The following SMYD3 variants were observed in gnomAD, a reference collection of about 807,000 sequenced individuals.
The protein encoded by SMYD3 is histone-lysine N-methyltransferase SMYD3.
A neutral mutation model predicts 57.7 loss-of-function variants in SMYD3; 36 were observed. The ratio of observed to expected loss-of-function variants is 0.62; its 90% CI spans 0.48 to 0.82. The LOEUF is 0.82. SMYD3 is among the 40% of genes least tolerant of loss of function. The pLI, the probability that SMYD3 is intolerant of heterozygous loss-of-function variation, is 0.00. For synonymous variants in SMYD3, 211 were observed against 195.0 expected (o/e 1.08, Z -0.68); for missense variants, 515 against 538.8 (o/e 0.96, Z 0.44).
intron 11 of SMYD3, among the ~76,000 whole-genome samples, chr1:245,756,308 A>G (rs2045604433): frequency 6.6e-6 from 1 of 151,826 alleles, no homozygotes; most frequent in Admixed American, 6.6e-5. Context: ...TTGTAATACA[A>G]TTGCCCTAAA....
chr1:246,125,081 A>ACACACACAC (rs1263823647), intron 5 of SMYD3, among the ~76,000 whole-genome samples: 2 of 109,536 alleles, frequency 1.8e-5, no homozygotes, highest in African/African-American at 2.7e-5. Context: ...CAAAAAAAAA[A>ACACACACAC]AAAAAAACAC....
intron 5 of SMYD3, among the ~76,000 whole-genome samples, chr1:245,998,737 A>G (rs1226417866): frequency 6.6e-6 from 1 of 152,220 alleles, no homozygotes; most frequent in African/African-American, 2.4e-5. Flanking sequence ...TTCAATTTCC[A>G]AAAAGTGGAA....
chr1:246,239,808 T>C lies in SMYD3; in HGVS notation c.531+87393A>G, dbSNP rs1358996103. ...CTAACTGGTGTGAGATGGTATCTCA[T>C]TGTGGTTTTGATTTGCATTTCTCTG... On this transcript the variant is annotated intron_variant, in intron 5 of 11. Coordinates refer to ENST00000490107, the MANE Select transcript of SMYD3 (RefSeq NM_001167740.2). Among the ~76,000 whole-genome samples the C allele has an allele frequency of 2.6e-5, 4 of 152,144 alleles. No individual in the cohort carries two copies. In the East Asian group the frequency reaches 5.8e-4, roughly 22 times the overall value.
At chr1:246,095,908 T>C (rs1379995031) in intron 5 of SMYD3, among the ~76,000 whole-genome samples, 1 of 152,084 alleles carries the variant, frequency 6.6e-6, no homozygotes, top group Non-Finnish European at 1.5e-5. Context: ...AAAGGAGAAA[T>C]GGCCTGAACA....
intron 5 of SMYD3, among the ~76,000 whole-genome samples, chr1:246,070,809 C>T (rs1341087808): frequency 2.6e-5 from 4 of 152,162 alleles, no homozygotes; most frequent in Non-Finnish European, 4.4e-5. Context: ...GCAGAACAAG[C>T]CACTGCCTTG....
chr1:246,213,755 C>T (rs181429708), intron 5 of SMYD3, among the ~76,000 whole-genome samples: 2 of 152,190 alleles, frequency 1.3e-5, no homozygotes, highest in African/African-American at 2.4e-5. Context: ...ATCTTAGCAT[C>T]TGTAATGGCC....
At chr1:245,847,348 T>G (rs2050718308) in intron 10 of SMYD3, among the ~76,000 whole-genome samples, 1 of 152,238 alleles carries the variant, frequency 6.6e-6, no homozygotes, top group East Asian at 1.9e-4. Context: ...GCATTGTAAC[T>G]GAAGTCCCAT....
intron 5 of SMYD3, among the ~76,000 whole-genome samples, chr1:246,094,328 G>A (rs185977022): frequency 3.2e-4 from 48 of 152,282 alleles, no homozygotes; most frequent in African/African-American, 9.9e-4. Context: ...CACCAACTCC[G>A]TGTGGGAAAC....
intron 10 of SMYD3, among the ~76,000 whole-genome samples, chr1:245,798,089 ATTTTT>A (rs763778852): frequency 2.1e-4 from 32 of 150,830 alleles, no homozygotes; most frequent in African/African-American, 6.8e-4. Flanking sequence ...AAACATTCTT[ATTTTT>A]TTTTTTAAAA....
chr1:246,251,278 G>C (rs914268654), intron 5 of SMYD3, among the ~76,000 whole-genome samples: 2 of 152,220 alleles, frequency 1.3e-5, no homozygotes, highest in Non-Finnish European at 2.9e-5. Context: ...AGCTGGGTTG[G>C]CTTCAAATAG....
chr1:246,046,363 A>T (rs1431446518), intron 5 of SMYD3, among the ~76,000 whole-genome samples: 1 of 152,236 alleles, frequency 6.6e-6, no homozygotes, highest in East Asian at 1.9e-4. Flanking sequence ...TTCTCAGCAA[A>T]CTATCGCAAG....
intron 5 of SMYD3, chr1:246,113,907 C>T (rs543843541): frequency 1.3e-5 from 2 of 152,274 alleles, no homozygotes; most frequent in Admixed American, 6.5e-5. Context: ...CATTCTGTGC[C>T]GAGTCACCCT....
chr1:246,040,091 T>C (rs1245637691), intron 5 of SMYD3, among the ~76,000 whole-genome samples: 1 of 152,234 alleles, frequency 6.6e-6, no homozygotes. Flanking sequence ...CAGTCAACCT[T>C]ACAAGATCCT....
intron 8 of SMYD3, among the ~76,000 whole-genome samples, chr1:245,900,673 T>C (rs2362254): frequency 0.95 from 145,320 of 152,300 alleles, 69,674 homozygotes; most frequent in East Asian, 1. Context: ...TAATATACTA[T>C]TGCAGCCCAG....
At chr1:246,039,964 G>A (rs1345538224) in intron 5 of SMYD3, among the ~76,000 whole-genome samples, 1 of 152,158 alleles carries the variant, frequency 6.6e-6, no homozygotes, top group Admixed American at 6.5e-5. Flanking sequence ...CAACATTAAC[G>A]CAGCATTGAT....
chr1:246,214,513 A>G (rs182302157), intron 5 of SMYD3, among the ~76,000 whole-genome samples: 8 of 152,316 alleles, frequency 5.3e-5, no homozygotes, highest in African/African-American at 1.9e-4. Flanking sequence ...TATTTAAGTG[A>G]AATATATGAA....
intron 1 of SMYD3, among the ~76,000 whole-genome samples, chr1:246,496,040 T>C (rs1372487495): frequency 6.6e-6 from 1 of 151,900 alleles, no homozygotes; most frequent in East Asian, 1.9e-4. Flanking sequence ...TTTGTTGTTG[T>C]TGTTGTTATT....
In SMYD3 at chr1:246,466,916, C is replaced by T. The variant is rs191501504; in HGVS notation, c.164+40138G>A. Among the ~76,000 whole-genome samples, 159 of 152,006 alleles carry T rather than the reference C, an allele frequency of 1.0e-3. 1 individual carries two copies. Among genetic ancestry groups the T allele is most frequent in the African/African-American group, 3.6e-3 (149 of 41,444 alleles). ...GGCGCAGTGGCTCACGCCTGTAATC[C>T]CAGCACTTTGGGAGGCCAAGGCAGG... On this transcript the variant is annotated intron_variant, in intron 1 of 11. Coordinates refer to ENST00000490107, the MANE Select transcript of SMYD3 (RefSeq NM_001167740.2).
intron 1 of SMYD3, among the ~76,000 whole-genome samples, chr1:246,414,717 G>GTTT (rs1311609589): frequency 0.017 from 2,088 of 123,308 alleles, 87 homozygotes; most frequent in African/African-American, 0.04. Context: ...TTTTTTGCTG[G>GTTT]TTTTTTTTTT....
Sources: gnomAD v4.1 joint callset for allele counts (sites outside exome capture counted in the v4.1 genomes callset) on GRCh38, gnomAD v4.1.1 for gene constraint, MANE v1.5 for transcripts, NCBI Gene and HGNC (gene_info 2026-07-23, HGNC 2026-07-21) for gene names.